Variants in DAB2IP observed in about 807,000 individuals in gnomAD.
The protein encoded by DAB2IP is disabled homolog 2-interacting protein.
A neutral mutation model predicts 107.2 loss-of-function variants in DAB2IP; 28 were observed. The ratio of observed to expected loss-of-function variants is 0.26; its 90% confidence interval spans 0.19 to 0.36. The LOEUF is 0.36. Among genes scored for constraint, DAB2IP ranks in the 10% least tolerant of loss-of-function variants. DAB2IP has a pLI of 1.00. For synonymous variants in DAB2IP, 755 were observed against 706.4 expected (o/e 1.07, Z -1.09); for missense variants, 1,400 against 1,644.7 (o/e 0.85, Z 2.57).
intron 1 of DAB2IP, among the ~76,000 whole-genome samples, chr9:121,582,497 A>G (rs932789342): frequency 6.6e-6 from 1 of 151,926 alleles, no homozygotes; most frequent in East Asian, 1.9e-4. Flanking sequence ...GTGCTTCTAC[A>G]TTGCAGGTCT....
At chr9:121,627,141 TCA>T (rs374127830) in intron 1 of DAB2IP, among the ~76,000 whole-genome samples, 84,966 of 126,728 alleles carry the variant, frequency 0.67, 24,707 homozygotes, top group Middle Eastern at 0.71. Flanking sequence ...ACACACACAC[TCA>T]CACACACACA....
At position 121,782,246 on chromosome 9, in the gene DAB2IP, C is replaced by G; in HGVS notation, c.3403-85C>G. 3.9e-6 allele frequency: 6 copies of G among 1,533,748 alleles called. No homozygotes were observed. Among genetic ancestry groups the G allele is most frequent in the Non-Finnish European group, 5.3e-6 (6 of 1,136,132 alleles). On this transcript the variant is annotated intron_variant, in intron 15 of 15. Coordinates refer to ENST00000408936, the Ensembl canonical transcript of DAB2IP. This position sits in a 1 kb window ranked among gnomAD's most constrained non-coding sequence, Gnocchi z 6.1. Reference sequence around the variant, plus strand: ...GCCTGCCACCCTCATCTCCAGGCCACCCCCTTCCCCGATGCTTGTCGTAGG... The same window carrying G: ...GCCTGCCACCCTCATCTCCAGGCCAGCCCCTTCCCCGATGCTTGTCGTAGG...
At chr9:121,645,597 T>C (rs1832509549) in intron 1 of DAB2IP, among the ~76,000 whole-genome samples, 1 of 152,208 alleles carries the variant, frequency 6.6e-6, no homozygotes, top group African/African-American at 2.4e-5. Flanking sequence ...TGCCCCACCC[T>C]GACTGCTCTG....
At chr9:121,594,077 A>G (rs1830475335) in intron 1 of DAB2IP, among the ~76,000 whole-genome samples, 1 of 152,086 alleles carries the variant, frequency 6.6e-6, no homozygotes, top group Admixed American at 6.6e-5. Flanking sequence ...GGAGCCATGC[A>G]TTTTGCCACT....
rs755334091 is a variant in DAB2IP, at chr9:121,676,068, CT to C, written c.125-2606del. ...GAGGATGAGCCATGTGGGAAGGGAG[CT>C]TTTCTGGAAGAGGCGCCTGGGGCTG... On this transcript the variant is annotated intron_variant, in intron 1 of 15. Transcript: ENST00000408936. Among the ~76,000 whole-genome samples, 24 of 152,338 alleles carry C rather than the reference CT, an allele frequency of 1.6e-4. No individual in the cohort carries two copies. The East Asian group carries it at 1.7e-3, about 11-fold the overall frequency.
chr9:121,586,347 A>G (rs983984043), intron 1 of DAB2IP, among the ~76,000 whole-genome samples: 11 of 152,206 alleles, frequency 7.2e-5, no homozygotes, highest in Non-Finnish European at 1.5e-4. Context: ...ACTTCTCTAT[A>G]GCGTTGCAGT....
intron 3 of DAB2IP, among the ~76,000 whole-genome samples, chr9:121,725,183 G>A (rs1355519184): frequency 1.3e-5 from 2 of 152,216 alleles, no homozygotes; most frequent in African/African-American, 4.8e-5. Flanking sequence ...GTATGTGTGT[G>A]TGTGTCCAGC....
chr9:121,770,404 C>T, intron 10 of DAB2IP, 142 bp from the exon 11 acceptor site: 1 of 875,644 alleles, frequency 1.1e-6, no homozygotes, highest in Non-Finnish European at 1.7e-6. Context: ...CCTCCCAGAC[C>T]CAGTGGCTCT....
At chr9:121,755,883 G>A (rs923409571) in intron 3 of DAB2IP, among the ~76,000 whole-genome samples, 2 of 152,210 alleles carry the variant, frequency 1.3e-5, no homozygotes, top group Non-Finnish European at 2.9e-5. Context: ...CCAAGGTAGG[G>A]GTCTTGGTTT....
intron 2 of DAB2IP, among the ~76,000 whole-genome samples, chr9:121,692,934 G>C (rs1829234313): frequency 6.6e-6 from 1 of 152,198 alleles, no homozygotes; most frequent in Non-Finnish European, 1.5e-5. Context: ...AGAATTCCCT[G>C]ATGCCATTAG....
chr9:121,714,002 A>G (rs903923143), intron 3 of DAB2IP, among the ~76,000 whole-genome samples: 1 of 152,202 alleles, frequency 6.6e-6, no homozygotes, highest in South Asian at 2.1e-4. Context: ...AATGGGCACC[A>G]TGATTGTGGT....
At chr9:121,718,601 G>A (rs1019064716) in intron 3 of DAB2IP, among the ~76,000 whole-genome samples, 8 of 152,328 alleles carry the variant, frequency 5.3e-5, no homozygotes, top group East Asian at 1.9e-4. Flanking sequence ...CAGCTCTGCC[G>A]CTTGTCAGCT....
At chr9:121,753,196 G>A (rs920989970) in intron 3 of DAB2IP, 29 of 152,268 alleles carry the variant, frequency 1.9e-4, no homozygotes, top group African/African-American at 6.5e-4. Flanking sequence ...TAGTAGAGGT[G>A]CCACATCCTG....
chr9:121,643,812 C>A (rs1360034928), intron 1 of DAB2IP, among the ~76,000 whole-genome samples: 1 of 152,196 alleles, frequency 6.6e-6, no homozygotes, highest in Non-Finnish European at 1.5e-5. Context: ...CTGCTCTGGG[C>A]TGGGAGCTGT....
intron 1 of DAB2IP, among the ~76,000 whole-genome samples, chr9:121,655,352 G>A (rs1369392232): frequency 2.0e-5 from 3 of 151,774 alleles, no homozygotes; most frequent in East Asian, 3.9e-4. Flanking sequence ...TTTCCCCAGG[G>A]CTGCTAGGAG....
At chr9:121,629,611 GC>G (rs1564121339) in intron 1 of DAB2IP, among the ~76,000 whole-genome samples, 1 of 152,164 alleles carries the variant, frequency 6.6e-6, no homozygotes, top group East Asian at 1.9e-4. Flanking sequence ...GGCGGCCAGG[GC>G]CCCTGAAGCC....
At chr9:121,648,606 T>C (rs1832627066), upstream of DAB2IP, among the ~76,000 whole-genome samples, 1 of 152,160 alleles carries the variant, frequency 6.6e-6, no homozygotes, top group African/African-American at 2.4e-5. Flanking sequence ...ACTTGCATGT[T>C]TCCAGGCCCC....
intron 1 of DAB2IP, among the ~76,000 whole-genome samples, chr9:121,591,655 G>A (rs566100884): frequency 2.6e-5 from 4 of 152,300 alleles, no homozygotes; most frequent in African/African-American, 7.2e-5. Context: ...CATGGAGAGG[G>A]GCCAGGTGGA....
chr9:121,662,988 A>G lies in DAB2IP; in HGVS notation c.124+11089A>G, dbSNP rs1317193850. ...ACACTGCCGACTCAAATTACTAGAA[A>G]TCCTCAGAAAGTAAAAAAGGAAAAA... On this transcript the variant is annotated intron_variant, in intron 1 of 15. Transcript: ENST00000408936. This position sits in a 1 kb window ranked among gnomAD's most constrained non-coding sequence, Gnocchi z 4.6. Among the ~76,000 whole-genome samples the G allele has an allele frequency of 2.0e-5, 3 of 152,188 alleles. No individual in the cohort carries two copies. The highest frequency in any genetic ancestry group is 7.2e-5 in the African/African-American group (3 of 41,438).
Sources: allele counts gnomAD v4.1 joint callset (sites outside exome capture counted in the v4.1 genomes callset), GRCh38; gene constraint gnomAD v4.1.1; non-coding constraint Gnocchi (gnomAD v3.1); transcripts MANE v1.5; gene names NCBI Gene and HGNC (gene_info 2026-07-23, HGNC 2026-07-21).